RASGRF2: variants seen among roughly 807,000 people sequenced by gnomAD.
The protein encoded by RASGRF2 is ras-specific guanine nucleotide-releasing factor 2.
Under a neutral mutation model 151.0 loss-of-function variants are expected in RASGRF2, and 76 were observed. That is an observed-to-expected ratio of 0.50 (90% CI 0.42 to 0.61). RASGRF2 has a LOEUF of 0.61. RASGRF2 is among the 20% of genes least tolerant of loss of function. RASGRF2 has a pLI of 0.00. For missense variants in RASGRF2, 1,148 were observed against 1,564.6 expected (o/e 0.73, Z 4.49); for synonymous variants, 504 against 566.5 (o/e 0.89, Z 1.57).
intron 1 of RASGRF2, among the ~76,000 whole-genome samples, chr5:81,019,749 A>G (rs1330710984): frequency 1.3e-5 from 2 of 152,226 alleles, no homozygotes; most frequent in African/African-American, 2.4e-5. Context: ...GACCAGTATC[A>G]TTTACTATCT....
chr5:81,211,117 T>C (rs1453973635), intron 22 of RASGRF2, among the ~76,000 whole-genome samples: 1 of 142,210 alleles, frequency 7.0e-6, no homozygotes, highest in African/African-American at 2.6e-5. Context: ...GTATTCCACC[T>C]GGGGCAATAG....
At chr5:81,087,411 C>T (rs1324661231) in intron 9 of RASGRF2, 3 of 684,122 alleles carry the variant, frequency 4.4e-6, no homozygotes, top group East Asian at 5.4e-5. Flanking sequence ...CTTCCGGATC[C>T]GCCCCACACG....
At position 81,010,718 on chromosome 5, in the gene RASGRF2, A is replaced by G. The variant is rs542437139; in HGVS notation, c.289-32159A>G. 6.0e-4 allele frequency among the ~76,000 whole-genome samples: 91 copies of G among 152,336 alleles called. 1 individual carries two copies. The highest frequency in any genetic ancestry group is 2.1e-3 in the African/African-American group (88 of 41,574). On this transcript the variant is annotated intron_variant, in intron 1 of 26. Transcript: ENST00000265080. ...AATGAGGTGAAAATGTATTTTTAATATTAAAAGTCTTCTTAGGGAAAGAGG... is the reference window on the plus strand; with the variant it reads ...AATGAGGTGAAAATGTATTTTTAATGTTAAAAGTCTTCTTAGGGAAAGAGG...
chr5:81,123,933 A>G (rs1318901649), intron 16 of RASGRF2, among the ~76,000 whole-genome samples, 166 bp downstream of exon 16: 2 of 152,254 alleles, frequency 1.3e-5, no homozygotes, highest in African/African-American at 4.8e-5. Context: ...TGTGGGTTCC[A>G]CATCCATGGG....
chr5:81,059,300 C>A (rs187186858), intron 2 of RASGRF2, among the ~76,000 whole-genome samples: 2 of 149,404 alleles, frequency 1.3e-5, no homozygotes, highest in Admixed American at 6.8e-5. Flanking sequence ...AGAATAATGG[C>A]GTGAACCCGG....
At chr5:81,124,382 G>A (rs1458999747) in intron 16 of RASGRF2, among the ~76,000 whole-genome samples, 1 of 129,938 alleles carries the variant, frequency 7.7e-6, no homozygotes, top group Admixed American at 7.4e-5. Context: ...TGAATCAAAA[G>A]GCTCTTTCTT....
intron 13 of RASGRF2, among the ~76,000 whole-genome samples, chr5:81,110,514 A>G (rs1260439263): frequency 6.6e-6 from 1 of 152,194 alleles, no homozygotes; most frequent in Non-Finnish European, 1.5e-5. Flanking sequence ...GCTTCAACAC[A>G]TTTTTTGTCC....
intron 17 of RASGRF2, among the ~76,000 whole-genome samples, chr5:81,137,735 G>A (rs567916618): frequency 5.3e-4 from 80 of 152,314 alleles, no homozygotes; most frequent in African/African-American, 1.4e-3. Flanking sequence ...GAAACAACGC[G>A]CTGACTCTGA....
Position 80,960,605 on chromosome 5 carries a change from C to G in RASGRF2, c.-134C>G. The G allele has an allele frequency of 1.1e-6, 1 of 897,992 alleles. No homozygotes were observed. The highest frequency in any genetic ancestry group is 1.5e-6 in the Non-Finnish European group (1 of 686,498). The allele number at this position is 897,992 out of a possible 1,614,324, so 55.6% of individuals were successfully genotyped here. A position where few individuals can be genotyped will look rare whatever the true frequency, so the allele number is the denominator to read the frequency against. On this transcript the variant is annotated 5_prime_UTR_variant, in exon 1 of 27. Coordinates refer to ENST00000265080, the MANE Select transcript of RASGRF2 (RefSeq NM_006909.3). This position sits in a 1 kb window ranked among gnomAD's most constrained non-coding sequence, Gnocchi z 5.5. ...CCGAAAGCGGGCGGGGTGCCCTGCGCGCGGCGTGGGGAAAGGGGGCGCCCT... is the reference window on the plus strand; with the variant it reads ...CCGAAAGCGGGCGGGGTGCCCTGCGGGCGGCGTGGGGAAAGGGGGCGCCCT...
intron 1 of RASGRF2, among the ~76,000 whole-genome samples, chr5:80,993,625 A>G (rs756769737): frequency 4.6e-5 from 7 of 152,220 alleles, no homozygotes; most frequent in African/African-American, 9.6e-5. Context: ...TTGGGAACCA[A>G]TAAGGCCTAG....
At chr5:81,155,383 A>G (rs1197898980) in intron 17 of RASGRF2, among the ~76,000 whole-genome samples, 1 of 152,166 alleles carries the variant, frequency 6.6e-6, no homozygotes, top group Non-Finnish European at 1.5e-5. Context: ...AGGAAAAAAC[A>G]TTAGAGAAAA....
At chr5:81,074,330 G>C (rs1248893762) in intron 5 of RASGRF2, among the ~76,000 whole-genome samples, 2 of 152,162 alleles carry the variant, frequency 1.3e-5, no homozygotes, top group African/African-American at 2.4e-5. Flanking sequence ...GGGAATGGGA[G>C]AAGGGGGTCA....
intron 17 of RASGRF2, among the ~76,000 whole-genome samples, chr5:81,127,413 C>T (rs1753487422): frequency 6.6e-6 from 1 of 152,062 alleles, no homozygotes; most frequent in South Asian, 2.1e-4. Context: ...GTCCCAGTTA[C>T]TCAAGACGCT....
chr5:81,012,736 C>G (rs1483131379), intron 1 of RASGRF2, among the ~76,000 whole-genome samples: 5 of 152,162 alleles, frequency 3.3e-5, no homozygotes, highest in South Asian at 4.2e-4. Context: ...GCACCCCTTT[C>G]TCAGCGAACA....
chr5:81,143,666 C>T (rs545346662), intron 17 of RASGRF2, among the ~76,000 whole-genome samples: 58 of 151,542 alleles, frequency 3.8e-4, no homozygotes, highest in African/African-American at 1.2e-3. Flanking sequence ...CCGAGGCGGG[C>T]GGATCATGAA....
chr5:81,193,569 G>A (rs1755196292), intron 18 of RASGRF2, among the ~76,000 whole-genome samples: 1 of 152,002 alleles, frequency 6.6e-6, no homozygotes, highest in African/African-American at 2.4e-5. Flanking sequence ...AGGCTGGAGT[G>A]CAATGGCACG....
intron 18 of RASGRF2, among the ~76,000 whole-genome samples, chr5:81,185,767 C>T (rs997193416): frequency 1.4e-4 from 22 of 152,172 alleles, no homozygotes; most frequent in Non-Finnish European, 2.9e-4. Flanking sequence ...CCTGTGCAGG[C>T]CACTAGGATG....
chr5:81,129,357 G>T (rs959941485), intron 17 of RASGRF2, among the ~76,000 whole-genome samples: 1 of 151,868 alleles, frequency 6.6e-6, no homozygotes, highest in Non-Finnish European at 1.5e-5. Flanking sequence ...GGTATTATCT[G>T]TGTGATTTTT....
chr5:81,061,479 T>C (rs1458447177), intron 2 of RASGRF2, among the ~76,000 whole-genome samples: 1 of 151,878 alleles, frequency 6.6e-6, no homozygotes, highest in Non-Finnish European at 1.5e-5. Context: ...CCAGTTTTGG[T>C]AAATAATTTG....
Sources: allele counts gnomAD v4.1 joint callset (sites outside exome capture counted in the v4.1 genomes callset), GRCh38; gene constraint gnomAD v4.1.1; non-coding constraint Gnocchi (gnomAD v3.1); transcripts MANE v1.5; gene names NCBI Gene and HGNC (gene_info 2026-07-23, HGNC 2026-07-21).